PLCE1: variants seen among roughly 807,000 people sequenced by gnomAD.
The protein encoded by PLCE1 is 1-phosphatidylinositol 4,5-bisphosphate phosphodiesterase epsilon-1.
A neutral mutation model predicts 242.8 loss-of-function variants in PLCE1; 119 were observed. The ratio of observed to expected loss-of-function variants is 0.49; its 90% CI spans 0.42 to 0.57. The LOEUF (loss-of-function observed/expected upper bound fraction) is 0.57. PLCE1 is among the 20% of genes least tolerant of loss of function. The pLI, the probability that PLCE1 is intolerant of heterozygous loss-of-function variation, is 0.00. For synonymous variants in PLCE1, 945 were observed against 1,017.4 expected (o/e 0.93, Z 1.35); for missense variants, 2,441 against 2,788.8 (o/e 0.88, Z 2.81).
At chr10:94,112,001 C>T (rs2045971619) in intron 2 of PLCE1, among the ~76,000 whole-genome samples, 1 of 152,174 alleles carries the variant, frequency 6.6e-6, no homozygotes, top group South Asian at 2.1e-4. Context: ...TGGGAAAATA[C>T]ATCTTGCTTT....
chr10:94,038,178 G>C (rs2061700862), intron 2 of PLCE1, among the ~76,000 whole-genome samples: 1 of 152,104 alleles, frequency 6.6e-6, no homozygotes, highest in Non-Finnish European at 1.5e-5. Context: ...GAGCTTAAGG[G>C]AGTCCTGGGG....
At chr10:94,311,535 A>T (rs551741704) in intron 27 of PLCE1, among the ~76,000 whole-genome samples, 5 of 152,276 alleles carry the variant, frequency 3.3e-5, no homozygotes, top group African/African-American at 9.6e-5. Context: ...GACCATGGAG[A>T]GCATCACTCT....
At chr10:94,142,662 C>T (rs2047006233) in intron 3 of PLCE1, among the ~76,000 whole-genome samples, 1 of 152,194 alleles carries the variant, frequency 6.6e-6, no homozygotes, top group Non-Finnish European at 1.5e-5. Context: ...AGGATTGCCA[C>T]CACCATCTTG....
At chr10:94,149,512 A>C (rs1234067926) in intron 3 of PLCE1, among the ~76,000 whole-genome samples, 5 of 152,338 alleles carry the variant, frequency 3.3e-5, no homozygotes, top group African/African-American at 1.2e-4. Context: ...ACCCTCTTGC[A>C]ACTAAAAGTG....
intron 1 of PLCE1, among the ~76,000 whole-genome samples, chr10:94,025,756 A>G (rs771060646): frequency 3.3e-5 from 5 of 152,152 alleles, no homozygotes; most frequent in Non-Finnish European, 7.4e-5. Context: ...TTGAAAGAAT[A>G]TGAGATGAGC....
At chr10:94,324,613 C>A in intron 31 of PLCE1, 46 bp downstream of exon 31, 1 of 1,425,100 alleles carries the variant, frequency 7.0e-7, no homozygotes, top group Non-Finnish European at 9.9e-7. Flanking sequence ...TATCTGATAC[C>A]CATAATTACA....
rs367640320 is a variant in PLCE1 at position 94,252,402 on chromosome 10, C to T, written c.3183C>T (p.Pro1061=). The T allele has an allele frequency of 8.2e-5, 132 of 1,613,914 alleles. No homozygotes were observed. The highest frequency in any genetic ancestry group is 4.0e-4 in the East Asian group (18 of 44,856). ...GRRWSARNPS[P]GTSAKNAEKP... is the part of the protein sequence containing the mutation. The stretch of plus-strand genomic sequence containing the variant: ...GGTGGAGTGCTCGAAACCCCAGCCC[C>T]GGAACATCAGCAAAGAATGCTGAGA... Residue 1061 remains proline, a synonymous_variant, in exon 9 of 33, where the codon CCC becomes CCT. Coordinates refer to ENST00000371380, the MANE Select transcript of PLCE1 (RefSeq NM_016341.4).
intron 10 of PLCE1, 145 bp downstream of exon 10, chr10:94,254,452 G>A: frequency 2.8e-6 from 2 of 714,076 alleles, no homozygotes; most frequent in East Asian, 2.7e-5. Context: ...AAACCTAAAG[G>A]TACTTCTGCA....
intron 19 of PLCE1, chr10:94,279,224 A>T (rs192554140): frequency 1.0e-4 from 17 of 167,360 alleles, no homozygotes; most frequent in African/African-American, 4.1e-4. Context: ...GCACACATCA[A>T]GTTTCCTAAA....
At chr10:94,180,837 A>C (rs1031632151) in intron 4 of PLCE1, among the ~76,000 whole-genome samples, 5 of 152,234 alleles carry the variant, frequency 3.3e-5, no homozygotes, top group Non-Finnish European at 5.9e-5. Context: ...GTGAGGACAC[A>C]GTGTCCCCTT....
intron 2 of PLCE1, among the ~76,000 whole-genome samples, chr10:94,090,345 G>A (rs79924939): frequency 0.01 from 1,584 of 152,266 alleles, 13 homozygotes; most frequent in Middle Eastern, 0.017. Flanking sequence ...TCCTTTTCAA[G>A]AGCATATGAT....
At chr10:94,010,079 G>A (rs1219010854) in intron 1 of PLCE1, among the ~76,000 whole-genome samples, 1 of 152,228 alleles carries the variant, frequency 6.6e-6, no homozygotes. Context: ...TTCTGCCTGG[G>A]CACCCAGGCT....
In PLCE1 at chr10:94,259,000, C is replaced by T. The variant is rs764089644; in HGVS notation, c.3678-14C>T. On this transcript the variant is annotated splice_polypyrimidine_tract_variant and intron_variant, in intron 12 of 32. Coordinates refer to ENST00000371380, the MANE Select transcript of PLCE1 (RefSeq NM_016341.4). ...AAGATACTCAATGAGAGGTGTTTTCCATTCCTCATTCAGTGTCAGGAGCCG... is the reference window on the plus strand; with the variant it reads ...AAGATACTCAATGAGAGGTGTTTTCTATTCCTCATTCAGTGTCAGGAGCCG... The T allele has an allele frequency of 1.9e-6, 3 of 1,614,048 alleles. No individual in the cohort carries two copies. The South Asian group carries it at 3.3e-5, about 18-fold the overall frequency.
At chr10:94,273,077 C>T (rs752227049) in intron 18 of PLCE1, among the ~76,000 whole-genome samples, 2 of 152,156 alleles carry the variant, frequency 1.3e-5, no homozygotes, top group Non-Finnish European at 2.9e-5. Flanking sequence ...GACAGACACA[C>T]ATTCTGCTTT....
chr10:94,282,670 C>G (rs1380590270), intron 20 of PLCE1, among the ~76,000 whole-genome samples: 2 of 152,130 alleles, frequency 1.3e-5, no homozygotes, highest in African/African-American at 2.4e-5. Flanking sequence ...TTTCCTGTTT[C>G]ATTTATTTAT....
intron 2 of PLCE1, among the ~76,000 whole-genome samples, chr10:94,116,821 C>T (rs934528422): frequency 6.6e-6 from 1 of 152,184 alleles, no homozygotes; most frequent in Admixed American, 6.5e-5. Context: ...CCTTCACCTT[C>T]TAAAAGAAGT....
chr10:94,068,244 A>C (rs1270818542), intron 2 of PLCE1, among the ~76,000 whole-genome samples: 5 of 152,196 alleles, frequency 3.3e-5, no homozygotes, highest in Admixed American at 6.5e-5. Context: ...GCCCCTCTTT[A>C]GCCTTCTCAG....
intron 4 of PLCE1, among the ~76,000 whole-genome samples, chr10:94,197,982 C>CAAAAAAA (rs3053181): frequency 8.2e-4 from 48 of 58,352 alleles, no homozygotes; most frequent in African/African-American, 2.7e-3. Flanking sequence ...GACTCTGTCT[C>CAAAAAAA]AAAAAAAAAA....
Position 94,327,953 on chromosome 10 carries a change from T to A in PLCE1, c.*25-15T>A. 1.9e-6 allele frequency: 1 copy of A among 532,214 alleles called. No homozygotes were observed. The highest frequency in any genetic ancestry group is 1.9e-5 in the Admixed American group (1 of 51,454). The allele number at this position is 532,214 out of a possible 1,614,324, so 33.0% of individuals were successfully genotyped here. A position where few individuals can be genotyped will look rare whatever the true frequency, so the allele number is the denominator to read the frequency against. On this transcript the variant is annotated splice_polypyrimidine_tract_variant and intron_variant, in intron 32 of 32. Transcript: ENST00000371380. ...TTTTCAGTATACTAATAAGCCTCTG[T>A]ATACAACATTACAGGTGAAGATCTT...
Sources: gnomAD v4.1 joint callset for allele counts (sites outside exome capture counted in the v4.1 genomes callset) on GRCh38, gnomAD v4.1.1 for gene constraint, MANE v1.5 for transcripts, NCBI Gene and HGNC (gene_info 2026-07-23, HGNC 2026-07-21) for gene names.